Variants in NEGR1 observed in about 807,000 individuals in gnomAD.
NEGR1 encodes the protein IgLON family member 4.
In NEGR1, 10 loss-of-function variants were observed where a neutral mutation model predicts 40.9. That is an observed-to-expected ratio of 0.24 (90% CI 0.15 to 0.42). NEGR1 has a LOEUF of 0.42. NEGR1 is among the 10% of genes least tolerant of loss of function. The pLI, the probability that NEGR1 is intolerant of heterozygous loss-of-function variation, is 1.00. For synonymous variants in NEGR1, 185 were observed against 166.8 expected, an observed-to-expected ratio of 1.11 and a Z score of -0.84; for missense variants, 352 against 438.9, an observed-to-expected ratio of 0.80 and a Z score of 1.77.
intron 1 of NEGR1, among the ~76,000 whole-genome samples, chr1:72,027,265 A>T (rs1298209016): frequency 6.6e-6 from 1 of 152,168 alleles, no homozygotes; most frequent in African/African-American, 2.4e-5. Flanking sequence ...TGTTCTTTTC[A>T]TGGGTTAAAG....
chr1:71,610,094 T>C (rs190972252), intron 5 of NEGR1, among the ~76,000 whole-genome samples: 1 of 152,318 alleles, frequency 6.6e-6, no homozygotes, highest in African/African-American at 2.4e-5. Flanking sequence ...TAAACCTCTC[T>C]CCTTTATAAG....
In NEGR1 at chr1:71,698,016, A is replaced by G; in HGVS notation, c.659T>C (p.Val220Ala). 2 of 1,611,078 alleles carry G rather than the reference A, an allele frequency of 1.2e-6. No homozygotes were observed. The highest frequency in any genetic ancestry group is 1.7e-6 in the Non-Finnish European group (2 of 1,177,992). Residue 220 changes from valine (V) to alanine (A), a missense_variant, in exon 4 of 7, where the codon GTT becomes GCT. Physicochemically the swap from Val to Ala is moderately conservative, Grantham distance 64 (BLOSUM62 0). Around this residue, in one of 5 missense-constraint regions of NEGR1, gnomAD observed 184 missense variants for 208.7 expected, o/e 0.88. Coordinates refer to ENST00000357731, the MANE Select transcript of NEGR1 (RefSeq NM_173808.3). ...SFPDVRKVKV[V>A]VNFAPTIQEI... Reference sequence around the variant, plus strand: ...AAGGTGATGACACTTACAGTTGACAACAACTTTTACTTTCCTCACATCTGG... The same window carrying G: ...AAGGTGATGACACTTACAGTTGACAGCAACTTTTACTTTCCTCACATCTGG...
At chr1:72,239,679 G>A (rs72941281) in intron 1 of NEGR1, among the ~76,000 whole-genome samples, 6,030 of 151,608 alleles carry the variant, frequency 0.04, 423 homozygotes, top group African/African-American at 0.14. Flanking sequence ...ATTAAGGATA[G>A]TATTTACCTG....
intron 1 of NEGR1, among the ~76,000 whole-genome samples, chr1:72,273,364 A>G (rs756111727): frequency 7.2e-5 from 11 of 152,020 alleles, no homozygotes; most frequent in Non-Finnish European, 1.5e-4. Context: ...AGAAACAGAA[A>G]TAAATGTTAG....
intron 1 of NEGR1, among the ~76,000 whole-genome samples, chr1:71,990,050 A>G (rs994584243): frequency 2.6e-5 from 4 of 152,216 alleles, no homozygotes; most frequent in Admixed American, 2.6e-4. Context: ...TTTTATGATT[A>G]AAGGTTTACT....
At chr1:72,223,831 G>A (rs1017161543) in intron 1 of NEGR1, among the ~76,000 whole-genome samples, 1 of 151,716 alleles carries the variant, frequency 6.6e-6, no homozygotes, top group Admixed American at 6.6e-5. Flanking sequence ...TTAAAATATC[G>A]AGAATAAATT....
rs1339943776 is a variant in NEGR1, at chr1:71,406,955, G to T, written c.*491C>A. The T allele has an allele frequency of 6.6e-6, 1 of 152,366 alleles. No individual in the cohort carries two copies. Among genetic ancestry groups the T allele is most frequent in the Admixed American group, 6.6e-5 (1 of 15,230 alleles). The allele number at this position is 152,366 out of a possible 1,614,324, so 9.4% of individuals were successfully genotyped here. On this transcript the variant is annotated 3_prime_UTR_variant, in exon 7 of 7. Transcript: ENST00000357731. ...AAAATCTAGATATGTGTTATATTTT[G>T]AAGAAATAATCTGAAGGCAATATTA...
intron 6 of NEGR1, among the ~76,000 whole-genome samples, chr1:71,533,416 A>T (rs910309356): frequency 2.6e-5 from 4 of 151,586 alleles, no homozygotes; most frequent in Non-Finnish European, 5.9e-5. Flanking sequence ...ATTCACTAAC[A>T]TACCTCCAAA....
At chr1:71,779,075 G>A (rs369954977) in intron 2 of NEGR1, among the ~76,000 whole-genome samples, 5 of 152,248 alleles carry the variant, frequency 3.3e-5, no homozygotes, top group Admixed American at 2.0e-4. Context: ...GGAAGAGGAT[G>A]TTAGTAAGAG....
rs142287583 is a variant in NEGR1 at position 71,859,159 on chromosome 1, C to A, written c.409+75920G>T. On this transcript the variant is annotated intron_variant, in intron 2 of 6. Coordinates refer to ENST00000357731, the MANE Select transcript of NEGR1 (RefSeq NM_173808.3). Reference sequence around the variant, plus strand: ...AAGGCCCTGTATGACTTCTTGATACCTTTTGCCCCCATTCTTTGACCTCCT... The same window carrying A: ...AAGGCCCTGTATGACTTCTTGATACATTTTGCCCCCATTCTTTGACCTCCT... Among the ~76,000 whole-genome samples the A allele has an allele frequency of 1.1e-3, 168 of 152,108 alleles. 5 individuals carry two copies. In the East Asian group the frequency reaches 0.03, roughly 27 times the overall value.
chr1:71,608,247 T>A (rs1039587169), intron 5 of NEGR1, among the ~76,000 whole-genome samples: 1 of 152,210 alleles, frequency 6.6e-6, no homozygotes, highest in Non-Finnish European at 1.5e-5. Context: ...CTTTCACAAG[T>A]GCATTTGATT....
At chr1:71,673,499 G>A (rs1652506804) in intron 4 of NEGR1, among the ~76,000 whole-genome samples, 2 of 151,590 alleles carry the variant, frequency 1.3e-5, no homozygotes, top group South Asian at 4.2e-4. Flanking sequence ...GAGACAGCTA[G>A]GAAAACAAAT....
At chr1:71,422,833 A>G (rs2101281489) in intron 6 of NEGR1, 1 of 152,310 alleles carries the variant, frequency 6.6e-6, no homozygotes, top group Non-Finnish European at 1.5e-5. Flanking sequence ...CAGAGACACA[A>G]ACATACTGAT....
chr1:71,797,163 A>G (rs1315835376), intron 2 of NEGR1, among the ~76,000 whole-genome samples: 2 of 152,180 alleles, frequency 1.3e-5, no homozygotes, highest in Non-Finnish European at 2.9e-5. Flanking sequence ...CATACTTTAT[A>G]TCCATTACCT....
rs369610646 is a variant in NEGR1 at position 72,010,565 on chromosome 1, G to C, written c.177-75254C>G. On this transcript the variant is annotated intron_variant, in intron 1 of 6. Coordinates refer to ENST00000357731, the MANE Select transcript of NEGR1 (RefSeq NM_173808.3). ...TTCATACCTGCCAGTCTCAACTAAA[G>C]CATTGCAATATTCTCTCCTGGGTAT... is the stretch of plus-strand genomic sequence containing the variant. 2.0e-4 allele frequency among the ~76,000 whole-genome samples: 31 copies of C among 151,982 alleles called. No homozygotes were observed. The East Asian group carries it at 6.0e-3, about 29-fold the overall frequency.
At chr1:71,604,570 A>G (rs1650023304) in intron 5 of NEGR1, among the ~76,000 whole-genome samples, 1 of 152,160 alleles carries the variant, frequency 6.6e-6, no homozygotes, top group Non-Finnish European at 1.5e-5. Context: ...TGATTTCTCA[A>G]GTTCATGTTA....
At chr1:71,512,652 G>C (rs964666904) in intron 6 of NEGR1, among the ~76,000 whole-genome samples, 1 of 150,328 alleles carries the variant, frequency 6.7e-6, no homozygotes, top group East Asian at 2.0e-4. Flanking sequence ...CTGAGATCTC[G>C]GCTCACTACA....
intron 1 of NEGR1, among the ~76,000 whole-genome samples, chr1:72,250,104 A>G (rs1356045176): frequency 6.6e-6 from 1 of 152,200 alleles, no homozygotes; most frequent in African/African-American, 2.4e-5. Flanking sequence ...CCTCTTCCAC[A>G]GTTCCATCAA....
intron 1 of NEGR1, among the ~76,000 whole-genome samples, chr1:72,055,815 C>T (rs1253990464): frequency 6.8e-6 from 1 of 146,608 alleles, no homozygotes; most frequent in Non-Finnish European, 1.5e-5. Flanking sequence ...TATATATAAT[C>T]TGTACAACTC....
Sources: allele counts gnomAD v4.1 joint callset (sites outside exome capture counted in the v4.1 genomes callset), GRCh38; gene constraint gnomAD v4.1.1; regional missense constraint gnomAD v4.1.1; transcripts MANE v1.5; gene names NCBI Gene and HGNC (gene_info 2026-07-23, HGNC 2026-07-21).